The following RALGAPA2 variants were observed in gnomAD, a reference collection of about 807,000 sequenced individuals.
RALGAPA2 encodes ral GTPase-activating protein subunit alpha-2.
Under a neutral mutation model 230.4 loss-of-function variants are expected in RALGAPA2, and 139 were observed. The ratio of observed to expected loss-of-function variants is 0.60; its 90% CI spans 0.53 to 0.69. The LOEUF (loss-of-function observed/expected upper bound fraction) is 0.69. Ranked by LOEUF, RALGAPA2 falls within the 30% of genes least tolerant of loss-of-function variation. The probability of loss-of-function intolerance (pLI) is 0.00; values close to 1 mark genes in which losing one functional copy is unlikely to be tolerated. For synonymous variants in RALGAPA2, 847 were observed against 837.8 expected (o/e 1.01, Z -0.19); for missense variants, 2,163 against 2,276.0 (o/e 0.95, Z 1.01).
chr20:20,495,264 C>A lies in RALGAPA2; in HGVS notation c.5220G>T (p.Leu1740Phe). The A allele has an allele frequency of 6.6e-7, 1 of 1,522,962 alleles. No individual in the cohort carries two copies. The highest frequency in any genetic ancestry group is 1.3e-5 in the South Asian group (1 of 78,054). The allele number at this position is 1,522,962 out of a possible 1,614,324, so 94.3% of individuals were successfully genotyped here. A position where few individuals can be genotyped will look rare whatever the true frequency, so the allele number is the denominator to read the frequency against. Residue 1740 changes from leucine (L) to phenylalanine (F), a missense_variant, in exon 36 of 40, where the codon TTG (leucine) becomes TTT (phenylalanine). Leu to Phe is a conservative substitution (Grantham distance 22). Transcript: ENST00000202677. ...DDSLTKKLRH[L>F]GNDEVHIVWS... Reference sequence around the variant, plus strand: ...AGACGATATGGACCTCGTCATTCCCCAAGTGACGAAGCTGCAACAGCAAAT... The same window carrying A: ...AGACGATATGGACCTCGTCATTCCCAAAGTGACGAAGCTGCAACAGCAAAT...
intron 37 of RALGAPA2, among the ~76,000 whole-genome samples, chr20:20,419,600 G>A (rs908524631): frequency 6.6e-6 from 1 of 152,212 alleles, no homozygotes; most frequent in South Asian, 2.1e-4. Context: ...AATGCCACCT[G>A]TAGGGGAGGG....
intron 38 of RALGAPA2, among the ~76,000 whole-genome samples, chr20:20,403,799 C>T (rs540879810): frequency 2.0e-5 from 3 of 152,322 alleles, no homozygotes; most frequent in African/African-American, 7.2e-5. Flanking sequence ...ACACATTCAG[C>T]AGCACTGGCA....
At chr20:20,454,349 G>A (rs1441920512) in intron 37 of RALGAPA2, among the ~76,000 whole-genome samples, 14 of 152,282 alleles carry the variant, frequency 9.2e-5, no homozygotes, top group Admixed American at 6.5e-4. Flanking sequence ...CTCTCTGACC[G>A]GCAGGCAGCT....
chr20:20,640,909 AAC>A (rs1568689735), intron 5 of RALGAPA2, 31 bp from the exon 6 acceptor site: 1 of 1,550,296 alleles, frequency 6.5e-7, no homozygotes, highest in East Asian at 2.3e-5. Flanking sequence ...ATGAAAATGA[AAC>A]ACATGTATTT....
chr20:20,537,878 G>C (rs189748879), intron 24 of RALGAPA2, among the ~76,000 whole-genome samples: 1 of 152,274 alleles, frequency 6.6e-6, no homozygotes, highest in African/African-American at 2.4e-5. Context: ...TGAAGAAGAG[G>C]CTACTGTTTT....
intron 35 of RALGAPA2, among the ~76,000 whole-genome samples, chr20:20,497,341 T>C (rs972627393): frequency 6.6e-6 from 1 of 152,116 alleles, no homozygotes; most frequent in Admixed American, 6.5e-5. Context: ...CGGGGAAATA[T>C]GAATAGTATC....
intron 3 of RALGAPA2, among the ~76,000 whole-genome samples, chr20:20,658,634 G>A (rs551909893): frequency 2.0e-5 from 3 of 152,284 alleles, no homozygotes; most frequent in Admixed American, 1.3e-4. Context: ...TAGTACACTC[G>A]AAATCGAAAT....
At chr20:20,670,115 A>G (rs2068084446) in intron 3 of RALGAPA2, among the ~76,000 whole-genome samples, 1 of 152,240 alleles carries the variant, frequency 6.6e-6, no homozygotes, top group African/African-American at 2.4e-5. Flanking sequence ...ATGGTAATTT[A>G]TACTCCATGA....
In RALGAPA2 at chr20:20,629,478, CT is replaced by C. The variant is rs1430611333; in HGVS notation, c.1117del (p.Ser373AlafsTer33). 6.2e-7 allele frequency: 1 copy of C among 1,613,966 alleles called. No homozygotes were observed. The highest frequency in any genetic ancestry group is 1.7e-5 in the Admixed American group (1 of 60,028). ...NSSTLSDRRL[S>X]NSSLCSIEEE... ...TTCAATGCTACAGAGGCTGGAGTTG[CT>C]GAGTCTTCGGTCCGACAAGGTGCTG... is the stretch of plus-strand genomic sequence containing the variant. On this transcript the variant is annotated frameshift_variant, in exon 10 of 40. Coordinates refer to ENST00000202677, the MANE Select transcript of RALGAPA2 (RefSeq NM_020343.4). LOFTEE classifies it high-confidence loss of function.
chr20:20,395,592 C>T (rs2059696382), intron 39 of RALGAPA2, among the ~76,000 whole-genome samples: 1 of 152,156 alleles, frequency 6.6e-6, no homozygotes, highest in African/African-American at 2.4e-5. Context: ...GACATGAGCA[C>T]CTGGGCTCTG....
chr20:20,559,578 G>A (rs914115758), intron 23 of RALGAPA2, among the ~76,000 whole-genome samples: 1 of 152,122 alleles, frequency 6.6e-6, no homozygotes. Context: ...TGGACAAATA[G>A]CTTGCTGCTT....
At chr20:20,587,990 G>A (rs1474053261) in intron 18 of RALGAPA2, among the ~76,000 whole-genome samples, 2 of 147,756 alleles carry the variant, frequency 1.4e-5, no homozygotes, top group Non-Finnish European at 3.0e-5. Flanking sequence ...GAAAGTGTTG[G>A]CAAGAATGAA....
At position 20,413,932 on chromosome 20, in the gene RALGAPA2, A is replaced by C. The variant is rs570190532; in HGVS notation, c.5496-1784T>G. On this transcript the variant is annotated intron_variant, in intron 37 of 39. Transcript: ENST00000202677. ...CCTGCTCAGGCCCAATTCTAGAGGG[A>C]CCCACTAATGCCATTCACGTCTCAT... Among the ~76,000 whole-genome samples, 16 of 152,300 alleles carry C rather than the reference A, an allele frequency of 1.1e-4. No individual in the cohort carries two copies. The South Asian group carries it at 1.9e-3, about 18-fold the overall frequency.
intron 4 of RALGAPA2, among the ~76,000 whole-genome samples, chr20:20,650,159 G>A (rs1407692476): frequency 1.3e-5 from 2 of 152,024 alleles, no homozygotes; most frequent in Non-Finnish European, 2.9e-5. Flanking sequence ...CAAAACTTAC[G>A]AGTTCAAATA....
chr20:20,574,943 T>C (rs1363973290), intron 20 of RALGAPA2, among the ~76,000 whole-genome samples: 1 of 152,154 alleles, frequency 6.6e-6, no homozygotes, highest in Non-Finnish European at 1.5e-5. Context: ...GGTGCTTGAG[T>C]AGGCCACCAA....
At chr20:20,579,673 T>C (rs1364220368) in intron 20 of RALGAPA2, among the ~76,000 whole-genome samples, 2 of 152,218 alleles carry the variant, frequency 1.3e-5, no homozygotes, top group African/African-American at 4.8e-5. Flanking sequence ...AAAGACGTTT[T>C]CTTCCAAAAG....
At position 20,557,641 on chromosome 20, in the gene RALGAPA2, T is replaced by A. The variant is rs139052186; in HGVS notation, c.3157-10809A>T. Among the ~76,000 whole-genome samples, 528 of 152,320 alleles carry A rather than the reference T, an allele frequency of 3.5e-3. 4 individuals are homozygous for A. The highest frequency in any genetic ancestry group is 0.012 in the African/African-American group (495 of 41,574). ...AAGTAAAATAATATTCTCATTCTAATGTTGGAATCTAGGTTAGGCCCCACC... is the reference window on the plus strand; with the variant it reads ...AAGTAAAATAATATTCTCATTCTAAAGTTGGAATCTAGGTTAGGCCCCACC... On this transcript the variant is annotated intron_variant, in intron 23 of 39. Transcript: ENST00000202677.
intron 35 of RALGAPA2, among the ~76,000 whole-genome samples, chr20:20,499,535 A>T (rs1378712930): frequency 2.0e-5 from 3 of 152,216 alleles, no homozygotes; most frequent in Non-Finnish European, 2.9e-5. Context: ...CTAGAGTCTG[A>T]GATCCTGGTG....
At chr20:20,444,387 C>T (rs141950213) in intron 37 of RALGAPA2, among the ~76,000 whole-genome samples, 1,822 of 152,242 alleles carry the variant, frequency 0.012, 40 homozygotes, top group African/African-American at 0.042. Context: ...CACATCACCT[C>T]GTTTCCCAAT....
Sources: allele counts gnomAD v4.1 joint callset (sites outside exome capture counted in the v4.1 genomes callset), GRCh38; gene constraint gnomAD v4.1.1; transcripts MANE v1.5; gene names NCBI Gene and HGNC (gene_info 2026-07-23, HGNC 2026-07-21).